The following PARD3 variants were observed in gnomAD, a reference collection of about 807,000 sequenced individuals.
PARD3 encodes par-3 family cell polarity regulator, also known as partitioning defective 3 homolog.
PARD3 carries 75 observed loss-of-function variants against 155.4 expected under a neutral mutation model. The observed-to-expected ratio is 0.48, with a 90% CI of 0.40 to 0.58. The LOEUF is 0.58. Ranked by LOEUF, PARD3 falls within the 20% of genes least tolerant of loss-of-function variation. The probability of loss-of-function intolerance (pLI) is 0.00; values close to 1 mark genes in which losing one functional copy is unlikely to be tolerated. For missense variants in PARD3, 1,642 were observed against 1,721.7 expected (o/e 0.95, Z 0.82); for synonymous variants, 576 against 610.5 (o/e 0.94, Z 0.83).
chr10:34,261,776 G>GAAA (rs1564528150), intron 22 of PARD3, among the ~76,000 whole-genome samples: 1 of 82,922 alleles, frequency 1.2e-5, no homozygotes, highest in Non-Finnish European at 2.9e-5. Context: ...AAGGAAGAAA[G>GAAA]AAAGAAAAGA....
intron 22 of PARD3, among the ~76,000 whole-genome samples, chr10:34,159,223 T>C (rs561814765): frequency 1.3e-5 from 2 of 152,328 alleles, no homozygotes; most frequent in African/African-American, 4.8e-5. Flanking sequence ...GATTCTGCAT[T>C]GTCACTGATT....
intron 2 of PARD3, among the ~76,000 whole-genome samples, chr10:34,560,672 T>C (rs1214961902): frequency 6.6e-6 from 1 of 152,214 alleles, no homozygotes; most frequent in Non-Finnish European, 1.5e-5. Flanking sequence ...ACAAAGCCTT[T>C]TCAAGAATGG....
chr10:34,449,272 C>T (rs1227579240), intron 5 of PARD3, among the ~76,000 whole-genome samples: 1 of 151,702 alleles, frequency 6.6e-6, no homozygotes, highest in Non-Finnish European at 1.5e-5. Context: ...ATATAAAAAC[C>T]TCATACTGTA....
intron 1 of PARD3, among the ~76,000 whole-genome samples, chr10:34,756,742 T>A (rs1416398075): frequency 6.6e-6 from 1 of 152,162 alleles, no homozygotes; most frequent in Non-Finnish European, 1.5e-5. Context: ...TGTGAGCCAC[T>A]ACACATAATC....
intron 22 of PARD3, among the ~76,000 whole-genome samples, chr10:34,259,850 C>T (rs1171356384): frequency 6.6e-6 from 1 of 151,988 alleles, no homozygotes; most frequent in Non-Finnish European, 1.5e-5. Context: ...CATTTATCGC[C>T]CAGGTTGGAG....
chr10:34,113,705 G>A (rs1946517224), intron 24 of PARD3, among the ~76,000 whole-genome samples: 1 of 152,080 alleles, frequency 6.6e-6, no homozygotes, highest in African/African-American at 2.4e-5. Flanking sequence ...GGTGGGAGTG[G>A]CTTAGGCTTA....
intron 21 of PARD3, among the ~76,000 whole-genome samples, chr10:34,278,700 T>C (rs1224652760): frequency 6.6e-6 from 1 of 152,296 alleles, no homozygotes; most frequent in East Asian, 1.9e-4. Context: ...GTAAGTTTCC[T>C]GAGGCCTCCT....
chr10:34,573,370 G>A (rs1171840213), intron 2 of PARD3, among the ~76,000 whole-genome samples: 1 of 151,526 alleles, frequency 6.6e-6, no homozygotes, highest in Non-Finnish European at 1.5e-5. Context: ...AAATAGGTAA[G>A]AATTTCAAGA....
chr10:34,453,017 G>A (rs557728468), intron 4 of PARD3, among the ~76,000 whole-genome samples: 2 of 152,242 alleles, frequency 1.3e-5, no homozygotes, highest in Admixed American at 1.3e-4. Context: ...CACAGGCTCT[G>A]GCCATATCCT....
At chr10:34,453,679 T>A (rs144132466) in intron 4 of PARD3, among the ~76,000 whole-genome samples, 1 of 152,218 alleles carries the variant, frequency 6.6e-6, no homozygotes, top group African/African-American at 2.4e-5. Flanking sequence ...TATACCACTG[T>A]TATATGCCTA....
intron 22 of PARD3, among the ~76,000 whole-genome samples, chr10:34,157,034 A>G (rs1478506774): frequency 6.6e-6 from 1 of 152,220 alleles, no homozygotes; most frequent in African/African-American, 2.4e-5. Context: ...GTATGAGAAG[A>G]TTCAAACTGA....
At chr10:34,186,629 G>A (rs1158261622) in intron 22 of PARD3, among the ~76,000 whole-genome samples, 1 of 152,156 alleles carries the variant, frequency 6.6e-6, no homozygotes, top group Non-Finnish European at 1.5e-5. Flanking sequence ...GGAAGAATGA[G>A]GGGAGCAGTT....
chr10:34,583,588 T>C (rs1418356753), intron 2 of PARD3, among the ~76,000 whole-genome samples: 1 of 152,158 alleles, frequency 6.6e-6, no homozygotes, highest in South Asian at 2.1e-4. Context: ...GCCTTCTAAA[T>C]TGAGGAAATG....
intron 19 of PARD3, among the ~76,000 whole-genome samples, chr10:34,327,786 T>G (rs551406728): frequency 2.0e-5 from 3 of 152,014 alleles, no homozygotes; most frequent in African/African-American, 7.2e-5. Context: ...TCAAGGGGGA[T>G]GTGGCTTTTT....
At chr10:34,447,272 C>T (rs539991596) in intron 5 of PARD3, among the ~76,000 whole-genome samples, 1 of 151,696 alleles carries the variant, frequency 6.6e-6, no homozygotes, top group African/African-American at 2.4e-5. Context: ...TTGAGGTCAG[C>T]AGTTTGAGGC....
intron 22 of PARD3, among the ~76,000 whole-genome samples, chr10:34,263,343 CTT>C (rs1210041734): frequency 2.0e-5 from 3 of 152,108 alleles, no homozygotes; most frequent in Non-Finnish European, 2.9e-5. Context: ...GAAGCAGAGA[CTT>C]TACACAGCTG....
intron 22 of PARD3, among the ~76,000 whole-genome samples, chr10:34,151,567 C>T (rs1025520627): frequency 1.3e-5 from 2 of 152,126 alleles, no homozygotes; most frequent in South Asian, 2.1e-4. Flanking sequence ...GGGAAAAGGT[C>T]GTGAGACCAC....
At chr10:34,373,843 T>C (rs568806854) in intron 11 of PARD3, among the ~76,000 whole-genome samples, 49 of 151,982 alleles carry the variant, frequency 3.2e-4, no homozygotes, top group Non-Finnish European at 4.3e-4. Context: ...TTATAATATT[T>C]ATAGAAATAG....
chr10:34,664,801 T>TAGA (rs2093410163), intron 2 of PARD3, among the ~76,000 whole-genome samples: 2 of 152,152 alleles, frequency 1.3e-5, no homozygotes, highest in Non-Finnish European at 2.9e-5. Flanking sequence ...ACCTTTTTCT[T>TAGA]AGTCAAATTA....
Sources: gnomAD v4.1 joint callset for allele counts (sites outside exome capture counted in the v4.1 genomes callset) on GRCh38, gnomAD v4.1.1 for gene constraint, MANE v1.5 for transcripts, NCBI Gene and HGNC (gene_info 2026-07-23, HGNC 2026-07-21) for gene names.